Variants in NEDD9 observed in about 807,000 individuals in gnomAD.
The protein encoded by NEDD9 is neural precursor cell expressed, developmentally down-regulated 9.
NEDD9 carries 26 observed loss-of-function variants against 76.6 expected under a neutral mutation model. The ratio of observed to expected loss-of-function variants is 0.34; its 90% CI spans 0.25 to 0.47. NEDD9 has a LOEUF of 0.47. NEDD9 is among the 20% of genes least tolerant of loss of function. The probability of loss-of-function intolerance (pLI) is 1.00; values close to 1 mark genes in which losing one functional copy is unlikely to be tolerated. For missense variants in NEDD9, 937 were observed against 1,058.5 expected (o/e 0.89, Z 1.59); for synonymous variants, 392 against 414.2 (o/e 0.95, Z 0.65).
Position 11,213,340 on chromosome 6 carries a change from C to T in NEDD9, c.400G>A (p.Val134Met). The change falls in exon 2 of 7, where the codon GTG (valine) becomes ATG (methionine). Residue 134 changes from valine (V) to methionine (M), a missense_variant. Transcript: ENST00000379446. This position sits in a 1 kb window ranked among gnomAD's most constrained non-coding sequence, Gnocchi z 5.4. ...HGTQEQEVYQ[V>M]PPSVQRSIGG... is the part of the protein sequence containing the mutation. ...ATGCTTCTCTGCACTGATGGTGGCA[C>T]CTGATATACCTCTTGTTCTTGGGTG... 6.2e-7 allele frequency: 1 copy of T among 1,614,114 alleles called. No individual in the cohort carries two copies. The highest frequency in any genetic ancestry group is 8.5e-7 in the Non-Finnish European group (1 of 1,180,012).
intron 3 of NEDD9, among the ~76,000 whole-genome samples, chr6:11,302,959 A>G (rs1761090164): frequency 6.6e-6 from 1 of 152,226 alleles, no homozygotes; most frequent in African/African-American, 2.4e-5. Context: ...CCGGCACAAG[A>G]CAGGGATGCC....
intron 3 of NEDD9, among the ~76,000 whole-genome samples, chr6:11,245,004 G>A (rs1190876987): frequency 6.6e-6 from 1 of 152,212 alleles, no homozygotes; most frequent in Non-Finnish European, 1.5e-5. Context: ...CTACTGGAAA[G>A]TATTTTCCTA....
chr6:11,314,995 G>A (rs552524188), intron 2 of NEDD9, among the ~76,000 whole-genome samples: 3 of 152,270 alleles, frequency 2.0e-5, no homozygotes, highest in South Asian at 2.1e-4. Context: ...TTAGCTTGTC[G>A]CCAAATGAGT....
Position 11,245,779 on chromosome 6 carries a change from C to A in NEDD9, c.13-32052G>T, listed in dbSNP as rs1759794842. Among the ~76,000 whole-genome samples the A allele has an allele frequency of 2.0e-5, 3 of 152,114 alleles. No homozygotes were observed. The South Asian group carries it at 6.2e-4, about 32-fold the overall frequency. On this transcript the variant is annotated intron_variant, in intron 3 of 3. Transcript: ENST00000397378. ...TACTTTAGCACATTTTTCCATCGTG[C>A]TCTTGTACAATATATTTACCACCCT...
At chr6:11,346,049 T>C (rs1762358360) in intron 1 of NEDD9, among the ~76,000 whole-genome samples, 1 of 152,238 alleles carries the variant, frequency 6.6e-6, no homozygotes, top group Admixed American at 6.5e-5. Flanking sequence ...AGGTTCTTCA[T>C]GGCACTTGCC....
rs186463533 is a variant in NEDD9, at chr6:11,269,730, T to A, written c.12+36262A>T. ...TAAAATGGATCACTTATTAATTGAG[T>A]TGTGCCAGGTTAAATACCCAAGGGT... On this transcript the variant is annotated intron_variant, in intron 3 of 3. Coordinates refer to the NEDD9 transcript ENST00000397378. Among the ~76,000 whole-genome samples the A allele has an allele frequency of 1.3e-3, 203 of 152,324 alleles. 1 individual carries two copies. The highest frequency in any genetic ancestry group is 4.8e-3 in the African/African-American group (199 of 41,568).
intron 2 of NEDD9, among the ~76,000 whole-genome samples, chr6:11,311,204 C>T (rs1761355752): frequency 1.3e-5 from 2 of 152,118 alleles, no homozygotes; most frequent in South Asian, 2.1e-4. Context: ...AAATTCCTAA[C>T]CCCCAGTATC....
intron 1 of NEDD9, among the ~76,000 whole-genome samples, chr6:11,214,758 C>T (rs975154310): frequency 2.9e-4 from 44 of 152,300 alleles, no homozygotes; most frequent in African/African-American, 1.0e-3. Context: ...ACAGCGAAGT[C>T]GGGGACGTTG....
chr6:11,260,929 G>T (rs758292128), intron 3 of NEDD9, among the ~76,000 whole-genome samples: 7 of 151,774 alleles, frequency 4.6e-5, no homozygotes, highest in Non-Finnish European at 1.0e-4. Flanking sequence ...TGTTGTAAAA[G>T]AATTCTTCCT....
chr6:11,354,566 A>C (rs1762531384), intron 1 of NEDD9, among the ~76,000 whole-genome samples: 1 of 152,138 alleles, frequency 6.6e-6, no homozygotes, highest in Non-Finnish European at 1.5e-5. Flanking sequence ...TGCATCAGCC[A>C]ATCAGTTGGT....
At chr6:11,380,746 C>T (rs964531223) in intron 1 of NEDD9, among the ~76,000 whole-genome samples, 2 of 152,144 alleles carry the variant, frequency 1.3e-5, no homozygotes, top group Non-Finnish European at 2.9e-5. Context: ...ATCATGTGAC[C>T]CTTACAGCCT....
intron 2 of NEDD9, among the ~76,000 whole-genome samples, chr6:11,312,312 T>C (rs139207017): frequency 3.9e-5 from 6 of 152,264 alleles, no homozygotes; most frequent in African/African-American, 1.4e-4. Context: ...ATCCTAATGG[T>C]TTCCATTGTC....
intron 3 of NEDD9, among the ~76,000 whole-genome samples, chr6:11,279,161 G>A (rs767017212): frequency 2.4e-4 from 36 of 152,218 alleles, no homozygotes; most frequent in Admixed American, 1.0e-3. Flanking sequence ...TCTTTAATAG[G>A]GTGAACTTGA....
rs918309484 is a variant in NEDD9 at position 11,318,836 on chromosome 6, A to T, written c.-152-12681T>A. Among the ~76,000 whole-genome samples, 2 of 151,824 alleles carry T rather than the reference A, an allele frequency of 1.3e-5. 1 individual carries two copies. The highest frequency in any genetic ancestry group is 4.1e-4 in the South Asian group (2 of 4,826). On this transcript the variant is annotated intron_variant, in intron 2 of 3. Coordinates refer to the NEDD9 transcript ENST00000397378. Reference sequence around the variant, plus strand: ...GTTTTTAAAAATGTAAAAAAAAAAAATTGTTTTACTCTAAAAGAGCGTCTC... The same window carrying T: ...GTTTTTAAAAATGTAAAAAAAAAAATTTGTTTTACTCTAAAAGAGCGTCTC...
intron 2 of NEDD9, among the ~76,000 whole-genome samples, chr6:11,308,693 GTTAGT>G (rs1290026079): frequency 6.6e-6 from 1 of 152,018 alleles, no homozygotes; most frequent in African/African-American, 2.4e-5. Context: ...TTAACAGCTT[GTTAGT>G]TTAATTTATA....
chr6:11,374,960 C>T (rs1762948124), intron 1 of NEDD9, among the ~76,000 whole-genome samples: 1 of 152,122 alleles, frequency 6.6e-6, no homozygotes, highest in Non-Finnish European at 1.5e-5. Flanking sequence ...CTTTCTTCCT[C>T]TCCCATTTAA....
At chr6:11,307,821 CCT>C (rs1313564649) in intron 2 of NEDD9, among the ~76,000 whole-genome samples, 2 of 152,140 alleles carry the variant, frequency 1.3e-5, no homozygotes, top group Non-Finnish European at 2.9e-5. Context: ...CAGTGCAACC[CCT>C]CTCTTTCCCA....
In NEDD9 at chr6:11,332,362, T is replaced by C. The variant is rs538431729; in HGVS notation, c.-153+2139A>G. 1.8e-4 allele frequency among the ~76,000 whole-genome samples: 28 copies of C among 152,282 alleles called. 1 individual carries two copies. In the South Asian group the frequency reaches 5.4e-3, roughly 29 times the overall value. On this transcript the variant is annotated intron_variant, in intron 2 of 3. Transcript: ENST00000397378. ...TTCACTGAGTGTGAATTTGACTACA[T>C]TATGCCTATTCTTAAAATCCTTAAA... is the stretch of plus-strand genomic sequence containing the variant.
At chr6:11,280,883 T>C (rs1277989303) in intron 3 of NEDD9, among the ~76,000 whole-genome samples, 1 of 152,256 alleles carries the variant, frequency 6.6e-6, no homozygotes, top group Non-Finnish European at 1.5e-5. Context: ...TACATTAGGA[T>C]AATCTGAGTG....
Sources: gnomAD v4.1 joint callset for allele counts (sites outside exome capture counted in the v4.1 genomes callset) on GRCh38, gnomAD v4.1.1 for gene constraint, Gnocchi (gnomAD v3.1) non-coding constraint, MANE v1.5 for transcripts, NCBI Gene and HGNC (gene_info 2026-07-23, HGNC 2026-07-21) for gene names.